Variants in PDGFD observed in about 807,000 individuals in gnomAD.
The protein encoded by PDGFD is platelet-derived growth factor D.
A neutral mutation model predicts 44.7 loss-of-function variants in PDGFD; 30 were observed. The ratio of observed to expected loss-of-function variants is 0.67; its 90% CI spans 0.50 to 0.91. The LOEUF (loss-of-function observed/expected upper bound fraction) is 0.91, where lower values mean the gene tolerates loss of function less well. Among genes scored for constraint, PDGFD ranks in the 40% least tolerant of loss-of-function variants. PDGFD has a pLI of 0.00. For synonymous variants in PDGFD, 173 were observed against 168.4 expected, an observed-to-expected ratio of 1.03 and a Z score of -0.21; for missense variants, 445 against 457.8, an observed-to-expected ratio of 0.97 and a Z score of 0.25.
chr11:104,039,882 G>A (rs978007118), intron 1 of PDGFD, among the ~76,000 whole-genome samples: 33 of 152,092 alleles, frequency 2.2e-4, no homozygotes, highest in African/African-American at 7.2e-4. Flanking sequence ...TCCTCAGGGT[G>A]TCTGACCCTT....
intron 1 of PDGFD, among the ~76,000 whole-genome samples, chr11:104,105,618 A>AT (rs1284618656): frequency 6.6e-6 from 1 of 151,344 alleles, no homozygotes; most frequent in Admixed American, 6.6e-5. Context: ...TTTACGTGAC[A>AT]TTTTTCTCGG....
chr11:103,943,098 T>A (rs1858611763), intron 5 of PDGFD, among the ~76,000 whole-genome samples: 3 of 152,174 alleles, frequency 2.0e-5, no homozygotes, highest in Admixed American at 2.0e-4. Context: ...GACAATGGAC[T>A]GATAGTAACC....
intron 3 of PDGFD, among the ~76,000 whole-genome samples, chr11:103,992,257 C>G (rs1275443888): frequency 6.6e-6 from 1 of 152,042 alleles, no homozygotes; most frequent in African/African-American, 2.4e-5. Context: ...TTTCAACAAA[C>G]ACACGGTCTA....
Position 103,909,395 on chromosome 11 carries a change from A to T in PDGFD, c.*299T>A, listed in dbSNP as rs1857992218. On this transcript the variant is annotated 3_prime_UTR_variant, in exon 7 of 7. Transcript: ENST00000393158. ...CTGGTGTACCTGGTTATATATACCAAAAAAAACATTTGATCTATATACACA... is the reference window on the plus strand; with the variant it reads ...CTGGTGTACCTGGTTATATATACCATAAAAAACATTTGATCTATATACACA... 3 of 231,558 alleles carry T rather than the reference A, an allele frequency of 1.3e-5. No individual in the cohort carries two copies. Among genetic ancestry groups the T allele is most frequent in the Non-Finnish European group, 1.7e-5 (2 of 117,022 alleles). The allele number at this position is 231,558 out of a possible 1,614,324, so 14.3% of individuals were successfully genotyped here. A position where few individuals can be genotyped will look rare whatever the true frequency, so the allele number is the denominator to read the frequency against.
chr11:104,097,591 T>C (rs1157604961), intron 1 of PDGFD, among the ~76,000 whole-genome samples: 1 of 152,184 alleles, frequency 6.6e-6, no homozygotes, highest in Non-Finnish European at 1.5e-5. Context: ...GCTAATGTTA[T>C]ACAGAGATTA....
chr11:104,107,889 T>C (rs778234488), intron 1 of PDGFD, among the ~76,000 whole-genome samples: 1 of 152,182 alleles, frequency 6.6e-6, no homozygotes, highest in Non-Finnish European at 1.5e-5. Context: ...TTAATGTCAT[T>C]GCTATTGCTA....
At chr11:104,074,843 TAGGTAGATGGGGA>T (rs1255396179) in intron 1 of PDGFD, among the ~76,000 whole-genome samples, 2 of 152,108 alleles carry the variant, frequency 1.3e-5, no homozygotes, top group Non-Finnish European at 2.9e-5. Flanking sequence ...AGGGAGCAAG[TAGGTAGATGGGGA>T]AATTATGTGG....
At chr11:103,928,613 A>G (rs1858353759) in intron 5 of PDGFD, among the ~76,000 whole-genome samples, 1 of 152,186 alleles carries the variant, frequency 6.6e-6, no homozygotes, top group Admixed American at 6.5e-5. Flanking sequence ...AAGGGCAGGG[A>G]TTTATCCCCA....
chr11:104,060,572 A>T (rs1860698098), intron 1 of PDGFD, among the ~76,000 whole-genome samples: 1 of 152,198 alleles, frequency 6.6e-6, no homozygotes, highest in Non-Finnish European at 1.5e-5. Flanking sequence ...GTTTGTAGCC[A>T]AGGGGAATTC....
chr11:103,927,708 T>G (rs550876795), intron 5 of PDGFD, among the ~76,000 whole-genome samples: 31 of 152,186 alleles, frequency 2.0e-4, no homozygotes, highest in Non-Finnish European at 3.7e-4. Flanking sequence ...TGGTGCATAT[T>G]TGTGCACTGG....
intron 1 of PDGFD, among the ~76,000 whole-genome samples, chr11:104,013,905 CA>C (rs2134376801): frequency 6.6e-6 from 1 of 151,692 alleles, no homozygotes; most frequent in African/African-American, 2.4e-5. Flanking sequence ...GCTGAGCTAC[CA>C]AAAAATACAT....
intron 5 of PDGFD, among the ~76,000 whole-genome samples, chr11:103,939,162 C>T (rs1404938279): frequency 6.6e-5 from 10 of 152,168 alleles, no homozygotes; most frequent in Admixed American, 2.6e-4. Flanking sequence ...GCCATTTTCA[C>T]GATATTGATT....
chr11:103,930,615 T>C (rs1369281930), intron 5 of PDGFD, among the ~76,000 whole-genome samples: 1 of 151,722 alleles, frequency 6.6e-6, no homozygotes, highest in Non-Finnish European at 1.5e-5. Context: ...AGAGTTTGAA[T>C]CCAGGCCTCT....
At chr11:104,140,896 TA>T (rs1862075075) in intron 1 of PDGFD, among the ~76,000 whole-genome samples, 1 of 152,266 alleles carries the variant, frequency 6.6e-6, no homozygotes, top group Admixed American at 6.5e-5. Flanking sequence ...TCACAGCTAA[TA>T]GCTATATGTA....
chr11:104,104,619 T>C (rs986068486), intron 1 of PDGFD, among the ~76,000 whole-genome samples: 1 of 152,132 alleles, frequency 6.6e-6, no homozygotes. Flanking sequence ...CTACAAACCA[T>C]CTATAGCTTA....
intron 3 of PDGFD, among the ~76,000 whole-genome samples, chr11:103,968,439 T>A (rs938937270): frequency 2.0e-5 from 3 of 152,160 alleles, no homozygotes; most frequent in Non-Finnish European, 4.4e-5. Context: ...AAATTTTCCA[T>A]AAAACCTACT....
At chr11:103,910,294 T>C (rs1370181261) in intron 6 of PDGFD, among the ~76,000 whole-genome samples, 9 of 152,194 alleles carry the variant, frequency 5.9e-5, no homozygotes, top group Non-Finnish European at 1.5e-5. Context: ...CATGTTGCCC[T>C]GGAGTTGCTG....
Position 104,163,951 on chromosome 11 carries a change from C to T in PDGFD, c.-24G>A, listed in dbSNP as rs1428505554. 3 of 1,508,510 alleles carry T rather than the reference C, an allele frequency of 2.0e-6. No individual in the cohort carries two copies. Among genetic ancestry groups the T allele is most frequent in the Non-Finnish European group, 2.7e-6 (3 of 1,113,900 alleles). The allele number at this position is 1,508,510 out of a possible 1,614,324, so 93.4% of individuals were successfully genotyped here. A position where few individuals can be genotyped will look rare whatever the true frequency, so the allele number is the denominator to read the frequency against. On this transcript the variant is annotated 5_prime_UTR_variant, in exon 1 of 7. Coordinates refer to ENST00000393158, the MANE Select transcript of PDGFD (RefSeq NM_025208.5). Reference sequence around the variant, plus strand: ...ATTTGGGATCAGCGACTAGAGACAGCGTCGCTCCAAGAAAAAGCCGGGTTC... The same window carrying T: ...ATTTGGGATCAGCGACTAGAGACAGTGTCGCTCCAAGAAAAAGCCGGGTTC...
intron 1 of PDGFD, among the ~76,000 whole-genome samples, chr11:104,043,017 TATC>T: frequency 1.3e-5 from 2 of 152,146 alleles, no homozygotes; most frequent in Admixed American, 1.3e-4. Flanking sequence ...CATTGGCCAA[TATC>T]ATGCAGAGAG....
Sources: allele counts gnomAD v4.1 joint callset (sites outside exome capture counted in the v4.1 genomes callset), GRCh38; gene constraint gnomAD v4.1.1; transcripts MANE v1.5; gene names NCBI Gene and HGNC (gene_info 2026-07-23, HGNC 2026-07-21).